The following EIF3G variants were observed in gnomAD, a reference collection of about 807,000 sequenced individuals.
EIF3G encodes the protein eukaryotic translation initiation factor 3 RNA-binding subunit.
In EIF3G, 10 loss-of-function variants were observed where a neutral mutation model predicts 41.7. The ratio of observed to expected loss-of-function variants is 0.24; its 90% CI spans 0.15 to 0.41. The LOEUF (loss-of-function observed/expected upper bound fraction) is 0.41. Ranked by LOEUF, EIF3G falls within the 10% of genes least tolerant of loss-of-function variation. EIF3G has a pLI of 1.00. For synonymous variants in EIF3G, 204 were observed against 172.5 expected, an observed-to-expected ratio of 1.18 and a Z score of -1.43; for missense variants, 297 against 444.0, an observed-to-expected ratio of 0.67 and a Z score of 2.98.
chr19:10,116,528 TGTG>T lies in EIF3G; in HGVS notation c.595+269_595+271del. 2.0e-6 allele frequency: 1 copy of T among 508,552 alleles called. No individual in the cohort carries two copies. Among genetic ancestry groups the T allele is most frequent in the South Asian group, 3.0e-5 (1 of 33,844 alleles). 31.5% of individuals were successfully genotyped at this position (508,552 alleles called of 1,614,324 possible). A position where few individuals can be genotyped will look rare whatever the true frequency, so the allele number is the denominator to read the frequency against. ...CTATACACACAGTGCGCACACACGA[TGTG>T]GGGTGGTCAGCACCCTGGGGCCGAC... On this transcript the variant is annotated intron_variant, in intron 7 of 10. Transcript: ENST00000253108. The surrounding 1 kb of genome is among the most constrained non-coding windows in gnomAD (Gnocchi z 4.1).
rs2089246506 is a variant in EIF3G at position 10,116,204 on chromosome 19, T to C, written c.596-130A>G. On this transcript the variant is annotated intron_variant, in intron 7 of 10. Transcript: ENST00000253108. The surrounding 1 kb of genome is among the most constrained non-coding windows in gnomAD (Gnocchi z 4.1). ...GTGTGCCAAACCACAGGCAGCCAGT[T>C]GGCCACGAGGACACCAAGGTGACAC... 6 of 875,886 alleles carry C rather than the reference T, an allele frequency of 6.9e-6. No homozygotes were observed. In the South Asian group the frequency reaches 8.6e-5, roughly 12 times the overall value. 54.3% of individuals were successfully genotyped at this position (875,886 alleles called of 1,614,324 possible).
intron 5 of EIF3G, chr19:10,118,463 G>A: frequency 1.7e-6 from 1 of 582,664 alleles, no homozygotes; most frequent in South Asian, 2.0e-5. Context: ...TACTCGGGAG[G>A]CTGAGGCAGG....
At chr19:10,115,270 TC>T in intron 10 of EIF3G, 141 bp from the exon 11 acceptor site, 1 of 1,217,982 alleles carries the variant, frequency 8.2e-7, no homozygotes, top group Non-Finnish European at 1.1e-6. Flanking sequence ...ATGGCCAGTC[TC>T]CAGGCCTGGT....
chr19:10,115,345 A>AC, intron 10 of EIF3G, 134 bp downstream of exon 10: 1 of 1,197,756 alleles, frequency 8.3e-7, no homozygotes, highest in South Asian at 1.6e-5. Context: ...TTGGAAAAAA[A>AC]CAATAAAGGA....
intron 2 of EIF3G, 126 bp from the exon 3 acceptor site, chr19:10,119,297 T>G (rs1361492946): frequency 9.0e-7 from 1 of 1,108,374 alleles, no homozygotes; most frequent in Non-Finnish European, 1.3e-6. Flanking sequence ...GGCAGAGGGC[T>G]GGCCAGGCAA....
chr19:10,115,279 G>T, intron 10 of EIF3G, 150 bp from the exon 11 acceptor site: 1 of 1,179,110 alleles, frequency 8.5e-7, no homozygotes, highest in South Asian at 1.5e-5. Context: ...CTCCAGGCCT[G>T]GTCCACGGAC....
chr19:10,119,552 A>G, intron 2 of EIF3G, 102 bp downstream of exon 2: 1 of 1,421,416 alleles, frequency 7.0e-7, no homozygotes, highest in Non-Finnish European at 9.6e-7. Context: ...GCAGGGGCAG[A>G]CCGTGACGGG....
In EIF3G at chr19:10,116,685, G is replaced by A. The variant is rs1225872498; in HGVS notation, c.595+115C>T. ...CCAATTAGGAAGGCACAGACGCCCCGAGGAGAGTCTGGCACCATCAAACCC... is the reference window on the plus strand; with the variant it reads ...CCAATTAGGAAGGCACAGACGCCCCAAGGAGAGTCTGGCACCATCAAACCC... On this transcript the variant is annotated intron_variant, in intron 7 of 10. Transcript: ENST00000253108. The surrounding 1 kb of genome is among the most constrained non-coding windows in gnomAD (Gnocchi z 4.1). 19 of 1,090,782 alleles carry A rather than the reference G, an allele frequency of 1.7e-5. No homozygotes were observed. The highest frequency in any genetic ancestry group is 1.5e-4 in the East Asian group (6 of 41,022). 67.6% of individuals were successfully genotyped at this position (1,090,782 alleles called of 1,614,324 possible). A position where few individuals can be genotyped will look rare whatever the true frequency, so the allele number is the denominator to read the frequency against.
rs961381126 is a variant in EIF3G at position 10,116,903 on chromosome 19, G to A, written c.492C>T (p.His164=). ...CCTTGTAGGGGCAGCGGGTGGTCCAGTGGTCGCCCTTGCAGATGCGGCAGG... is the reference window on the plus strand; with the variant it reads ...CCTTGTAGGGGCAGCGGGTGGTCCAATGGTCGCCCTTGCAGATGCGGCAGG... The part of the protein sequence containing the change: ...IVSCRICKGD[H]WTTRCPYKDT... The change falls in exon 7 of 11, where the codon CAC becomes CAT. Residue 164 remains histidine (H), a synonymous_variant. Transcript: ENST00000253108. The surrounding 1 kb of genome is among the most constrained non-coding windows in gnomAD (Gnocchi z 4.1). The A allele has an allele frequency of 2.5e-6, 4 of 1,613,936 alleles. No homozygotes were observed. In the African/African-American group the frequency reaches 5.3e-5, roughly 22 times the overall value.
chr19:10,115,853 G>C (rs374215335), intron 8 of EIF3G, 33 bp from the exon 9 acceptor site: 4 of 1,607,618 alleles, frequency 2.5e-6, no homozygotes, highest in African/African-American at 2.7e-5. Flanking sequence ...CTGTGAGGGG[G>C]AGGACACTGC....
Position 10,116,340 on chromosome 19 carries a change from C to T in EIF3G, c.596-266G>A, listed in dbSNP as rs112456792. ...GCGGGAGGACAACAGGGGCAGCAGCCTCACATGCACAGCAACGGCAGACAT... is the reference window on the plus strand; with the variant it reads ...GCGGGAGGACAACAGGGGCAGCAGCTTCACATGCACAGCAACGGCAGACAT... On this transcript the variant is annotated intron_variant, in intron 7 of 10. Coordinates refer to ENST00000253108, the MANE Select transcript of EIF3G (RefSeq NM_003755.5). The surrounding 1 kb of genome is among the most constrained non-coding windows in gnomAD (Gnocchi z 4.1). 465 of 557,538 alleles carry T rather than the reference C, an allele frequency of 8.3e-4. 1 individual carries two copies. The highest frequency in any genetic ancestry group is 8.0e-3 in the African/African-American group (425 of 53,066). The allele number at this position is 557,538 out of a possible 1,614,324, so 34.5% of individuals were successfully genotyped here. A position where few individuals can be genotyped will look rare whatever the true frequency, so the allele number is the denominator to read the frequency against.
chr19:10,116,306 CCA>C lies in EIF3G; in HGVS notation c.596-234_596-233del, dbSNP rs1398972512. On this transcript the variant is annotated intron_variant, in intron 7 of 10. Transcript: ENST00000253108. The surrounding 1 kb of genome is among the most constrained non-coding windows in gnomAD (Gnocchi z 4.1). Reference sequence around the variant, plus strand: ...GAGGAGGAGGAGCCCCGACCCCACCCCAGAGAGGGCGGGAGGACAACAGGGGC... The same window carrying C: ...GAGGAGGAGGAGCCCCGACCCCACCCGAGAGGGCGGGAGGACAACAGGGGC... 1.2e-5 allele frequency: 7 copies of C among 585,556 alleles called. No homozygotes were observed. The highest frequency in any genetic ancestry group is 3.1e-5 in the Admixed American group (1 of 32,434). The allele number at this position is 585,556 out of a possible 1,614,324, so 36.3% of individuals were successfully genotyped here. A position where few individuals can be genotyped will look rare whatever the true frequency, so the allele number is the denominator to read the frequency against.
chr19:10,116,963 GTCC>G lies in EIF3G; in HGVS notation c.429_431del (p.Glu143del). ...TCTGGCCCTTGAGTTTGTTCATAGG[GTCC>G]TCCTCCTCCTGGCAGTTCAGGTCCT... On this transcript the variant is annotated inframe_deletion, in exon 7 of 11. Coordinates refer to ENST00000253108, the MANE Select transcript of EIF3G (RefSeq NM_003755.5). This position sits in a 1 kb window ranked among gnomAD's most constrained non-coding sequence, Gnocchi z 4.1. The G allele has an allele frequency of 1.2e-6, 2 of 1,612,644 alleles. No individual in the cohort carries two copies. The highest frequency in any genetic ancestry group is 1.7e-6 in the Non-Finnish European group (2 of 1,179,080).
Position 10,118,732 on chromosome 19 carries a change from G to T in EIF3G, c.241-5C>A. The T allele has an allele frequency of 6.2e-7, 1 of 1,613,856 alleles. No homozygotes were observed. Among genetic ancestry groups the T allele is most frequent in the Non-Finnish European group, 8.5e-7 (1 of 1,179,948 alleles). Reference sequence around the variant, plus strand: ...AATCCTGAAGGTGCGGACAATCTGAGGATGGGAGGGGAGAAGGGTCAGGCT... The same window carrying T: ...AATCCTGAAGGTGCGGACAATCTGATGATGGGAGGGGAGAAGGGTCAGGCT... On this transcript the variant is annotated splice_region_variant and splice_polypyrimidine_tract_variant and intron_variant, in intron 4 of 10. Transcript: ENST00000253108.
In EIF3G at chr19:10,117,152, G is replaced by C; in HGVS notation, c.337C>G (p.Pro113Ala). The C allele has an allele frequency of 1.2e-6, 2 of 1,613,334 alleles. No homozygotes were observed. Among genetic ancestry groups the C allele is most frequent in the Non-Finnish European group, 1.7e-6 (2 of 1,179,744 alleles). ...KKFGNSEFDP[P>A]GPNVATTTVS... Reference sequence around the variant, plus strand: ...GTGGTGGTGGCCACATTGGGTCCGGGGGGGTCAAACTCTGAGTTCCCGAAC... The same window carrying C: ...GTGGTGGTGGCCACATTGGGTCCGGCGGGGTCAAACTCTGAGTTCCCGAAC... Residue 113 changes from proline to alanine, a missense_variant, in exon 6 of 11, where the codon CCC (proline) becomes GCC (alanine). Pro to Ala is a conservative substitution (Grantham distance 27). This residue lies in a region of EIF3G where 147 missense variants were observed against 162.4 expected (regional missense o/e 0.91). Transcript: ENST00000253108.
intron 2 of EIF3G, 82 bp downstream of exon 2, chr19:10,119,571 TG>T: frequency 6.7e-7 from 1 of 1,492,496 alleles, no homozygotes; most frequent in Non-Finnish European, 9.1e-7. Context: ...GGGTACACGG[TG>T]CCAGACTGGG....
chr19:10,115,190 C>T lies in EIF3G; in HGVS notation c.948-61G>A. The T allele has an allele frequency of 1.0e-5, 16 of 1,600,216 alleles. No homozygotes were observed. In the South Asian group the frequency reaches 1.8e-4, roughly 18 times the overall value. On this transcript the variant is annotated intron_variant, in intron 10 of 10. Coordinates refer to ENST00000253108, the MANE Select transcript of EIF3G (RefSeq NM_003755.5). ...GGGGGCACCCCAAGACCCCAGACAC[C>T]CAAGTGGCATCTTGGGGGTGGGTGG...
Position 10,115,603 on chromosome 19 carries a change from G to A in EIF3G, c.841-18C>T. ...GCAAAGCCCTGTGGAGGGGCGGGAT[G>A]GGGTCGGGCACGAGCTAGGACAGGC... On this transcript the variant is annotated intron_variant, in intron 9 of 10. Coordinates refer to ENST00000253108, the MANE Select transcript of EIF3G (RefSeq NM_003755.5). 6.2e-7 allele frequency: 1 copy of A among 1,612,044 alleles called. No individual in the cohort carries two copies. Among genetic ancestry groups the A allele is most frequent in the Non-Finnish European group, 8.5e-7 (1 of 1,178,508 alleles).
intron 2 of EIF3G, 128 bp downstream of exon 2, chr19:10,119,526 A>T (rs2089288413): frequency 1.6e-6 from 2 of 1,272,770 alleles, no homozygotes; most frequent in Non-Finnish European, 2.2e-6. Flanking sequence ...GCGGGTCCCA[A>T]GGAGGATGGC....
Sources: allele counts gnomAD v4.1 joint callset, GRCh38; gene constraint gnomAD v4.1.1; regional missense constraint gnomAD v4.1.1; non-coding constraint Gnocchi (gnomAD v3.1); transcripts MANE v1.5; gene names NCBI Gene and HGNC (gene_info 2026-07-23, HGNC 2026-07-21).